Variants in DCAF5 observed in about 807,000 individuals in gnomAD.
DCAF5 encodes DDB1- and CUL4-associated factor 5.
A neutral mutation model predicts 80.7 loss-of-function variants in DCAF5; 9 were observed. The ratio of observed to expected loss-of-function variants is 0.11; its 90% CI spans 0.07 to 0.19. The LOEUF (loss-of-function observed/expected upper bound fraction) is 0.19. Among genes scored for constraint, DCAF5 ranks in the 10% least tolerant of loss-of-function variants. DCAF5 has a pLI of 1.00. For synonymous variants in DCAF5, 433 were observed against 461.9 expected (o/e 0.94, Z 0.80); for missense variants, 842 against 1,205.7 (o/e 0.70, Z 4.47).
chr14:69,095,437 G>T (rs573133637), intron 5 of DCAF5, among the ~76,000 whole-genome samples: 1 of 152,260 alleles, frequency 6.6e-6, no homozygotes, highest in Non-Finnish European at 1.5e-5. Flanking sequence ...GTGATCCAAG[G>T]TGATCCAAAA....
intron 7 of DCAF5, among the ~76,000 whole-genome samples, chr14:69,065,147 G>T (rs900382164): frequency 6.8e-6 from 1 of 146,050 alleles, no homozygotes; most frequent in Non-Finnish European, 1.5e-5. Context: ...GCCCAGGCTG[G>T]AGTGCAGTGG....
intron 5 of DCAF5, among the ~76,000 whole-genome samples, chr14:69,092,554 G>A (rs2039569094): frequency 6.6e-6 from 1 of 152,198 alleles, no homozygotes; most frequent in Non-Finnish European, 1.5e-5. Context: ...GGGGGTTGAA[G>A]CTGCAGTGAG....
intron 1 of DCAF5, among the ~76,000 whole-genome samples, chr14:69,131,906 C>G (rs948679630): frequency 2.6e-5 from 4 of 152,140 alleles, no homozygotes; most frequent in Admixed American, 1.3e-4. Context: ...CCATTCTCCC[C>G]CTAGACACCA....
chr14:69,115,246 G>T (rs1411259613), intron 5 of DCAF5, among the ~76,000 whole-genome samples: 1 of 152,146 alleles, frequency 6.6e-6, no homozygotes, highest in Non-Finnish European at 1.5e-5. Flanking sequence ...AGGTGCCTAC[G>T]CAACAGAAGG....
At chr14:69,112,078 A>G (rs1355102429) in intron 5 of DCAF5, among the ~76,000 whole-genome samples, 1 of 152,216 alleles carries the variant, frequency 6.6e-6, no homozygotes, top group East Asian at 1.9e-4. Flanking sequence ...CAAGAGATGT[A>G]AGAAACTACA....
At chr14:69,084,039 G>A in intron 6 of DCAF5, 2 of 780,320 alleles carry the variant, frequency 2.6e-6, no homozygotes, top group South Asian at 2.7e-5. Context: ...GGATCTTCTT[G>A]CAGCTACAAA....
intron 6 of DCAF5, among the ~76,000 whole-genome samples, chr14:69,081,124 A>G (rs932609720): frequency 6.6e-6 from 1 of 152,220 alleles, no homozygotes; most frequent in African/African-American, 2.4e-5. Context: ...ACAGCCTTTT[A>G]TCTTATACTC....
intron 5 of DCAF5, among the ~76,000 whole-genome samples, chr14:69,113,223 A>T (rs565347313): frequency 2.6e-5 from 4 of 152,292 alleles, no homozygotes; most frequent in Admixed American, 2.6e-4. Flanking sequence ...TGAGACCTTC[A>T]TCACTGCTCC....
intron 5 of DCAF5, among the ~76,000 whole-genome samples, chr14:69,101,533 C>T: frequency 6.6e-6 from 1 of 152,178 alleles, no homozygotes; most frequent in East Asian, 1.9e-4. Flanking sequence ...AAAACCTAAG[C>T]TGACGCAACA....
At chr14:69,108,379 C>G (rs1307880883) in intron 5 of DCAF5, among the ~76,000 whole-genome samples, 1 of 152,080 alleles carries the variant, frequency 6.6e-6, no homozygotes, top group Non-Finnish European at 1.5e-5. Flanking sequence ...AGAAAGCATC[C>G]TCTATGTGTA....
In DCAF5 at chr14:69,152,649, G is replaced by C. The variant is rs1222531501; in HGVS notation, c.214+116C>G. 1 of 719,152 alleles carries C rather than the reference G, an allele frequency of 1.4e-6. No homozygotes were observed. The highest frequency in any genetic ancestry group is 1.8e-5 in the African/African-American group (1 of 56,468). The allele number at this position is 719,152 out of a possible 1,614,324, so 44.5% of individuals were successfully genotyped here. On this transcript the variant is annotated intron_variant, in intron 1 of 8. Transcript: ENST00000341516. This position sits in a 1 kb window ranked among gnomAD's most constrained non-coding sequence, Gnocchi z 4.1. ...ACCAAACCTTCCCACCGCAGAAGGG[G>C]GTAGAGAAAGGGAGGGGGTGGGGAC...
chr14:69,148,136 A>T (rs571165102), intron 1 of DCAF5, among the ~76,000 whole-genome samples: 9 of 151,948 alleles, frequency 5.9e-5, no homozygotes, highest in African/African-American at 1.9e-4. Flanking sequence ...AAACAAACAT[A>T]TAAAGGACCC....
intron 6 of DCAF5, among the ~76,000 whole-genome samples, chr14:69,080,964 C>T (rs926459537): frequency 7.3e-5 from 11 of 150,176 alleles, no homozygotes; most frequent in African/African-American, 1.7e-4. Context: ...CTAAACATGA[C>T]GAGGGGGAAA....
At chr14:69,147,402 G>T (rs1035005095) in intron 1 of DCAF5, among the ~76,000 whole-genome samples, 2 of 152,186 alleles carry the variant, frequency 1.3e-5, no homozygotes, top group Non-Finnish European at 2.9e-5. Flanking sequence ...TTAGGCCCTT[G>T]TGCTAAGAAT....
intron 5 of DCAF5, among the ~76,000 whole-genome samples, chr14:69,102,542 CTT>C (rs529729141): frequency 1.2e-4 from 15 of 129,618 alleles, no homozygotes; most frequent in Admixed American, 1.6e-4. Context: ...TATCCTTATT[CTT>C]TTTTTTTTTT....
intron 1 of DCAF5, among the ~76,000 whole-genome samples, chr14:69,140,509 A>G (rs1018042533): frequency 2.0e-5 from 3 of 152,206 alleles, no homozygotes; most frequent in African/African-American, 7.2e-5. Context: ...TTTAATATCA[A>G]TATCACATCC....
At chr14:69,127,461 G>C (rs2040911708) in intron 1 of DCAF5, among the ~76,000 whole-genome samples, 1 of 152,180 alleles carries the variant, frequency 6.6e-6, no homozygotes, top group African/African-American at 2.4e-5. Flanking sequence ...ACAACAAAAA[G>C]ATCACTAATT....
At chr14:69,063,109 A>C (rs1439478345) in intron 7 of DCAF5, among the ~76,000 whole-genome samples, 1 of 152,234 alleles carries the variant, frequency 6.6e-6, no homozygotes, top group South Asian at 2.1e-4. Flanking sequence ...AAAAATTTGG[A>C]TCACTTTCAT....
intron 4 of DCAF5, among the ~76,000 whole-genome samples, chr14:69,117,691 A>G (rs1360686752): frequency 6.6e-6 from 1 of 152,200 alleles, no homozygotes; most frequent in Non-Finnish European, 1.5e-5. Context: ...CACTCACACG[A>G]CAATCCCCTT....
Sources: gnomAD v4.1 joint callset for allele counts (sites outside exome capture counted in the v4.1 genomes callset) on GRCh38, gnomAD v4.1.1 for gene constraint, Gnocchi (gnomAD v3.1) non-coding constraint, MANE v1.5 for transcripts, NCBI Gene and HGNC (gene_info 2026-07-23, HGNC 2026-07-21) for gene names.